The following GPAT3 variants were observed in gnomAD, a reference collection of about 807,000 sequenced individuals.
The protein encoded by GPAT3 is 1-AGP acyltransferase 9.
Under a neutral mutation model 58.8 loss-of-function variants are expected in GPAT3, and 53 were observed. That is an observed-to-expected ratio of 0.90 (90% CI 0.72 to 1.13). The LOEUF (loss-of-function observed/expected upper bound fraction) is 1.13. GPAT3 is among the 50% of genes most tolerant of loss of function. The pLI is 0.00. For synonymous variants in GPAT3, 197 were observed against 187.4 expected (o/e 1.05, Z -0.42); for missense variants, 511 against 527.6 (o/e 0.97, Z 0.31).
chr4:83,570,249 T>C (rs1725552681), intron 2 of GPAT3, among the ~76,000 whole-genome samples: 1 of 152,196 alleles, frequency 6.6e-6, no homozygotes, highest in Non-Finnish European at 1.5e-5. Context: ...TGCACTTTAA[T>C]TTCCTCATGT....
Position 83,585,615 on chromosome 4 carries a change from C to CT in GPAT3, c.480-1627dup, listed in dbSNP as rs202185390. On this transcript the variant is annotated intron_variant, in intron 3 of 11. Transcript: ENST00000264409. Reference sequence around the variant, plus strand: ...AAGATTGCTGCCTTTTACGCTGTTTCTTTTTTTTTTTTTGAGACAGTCTCA... The same window carrying CT: ...AAGATTGCTGCCTTTTACGCTGTTTCTTTTTTTTTTTTTTGAGACAGTCTCA... 4.7e-3 allele frequency among the ~76,000 whole-genome samples: 677 copies of CT among 144,148 alleles called. 4 individuals carry two copies. Among genetic ancestry groups the CT allele is most frequent in the Middle Eastern group, 0.022 (6 of 278 alleles). 94.6% of individuals were successfully genotyped at this position (144,148 alleles called of 152,430 possible). A position where few individuals can be genotyped will look rare whatever the true frequency, so the allele number is the denominator to read the frequency against.
rs186924807 is a variant in GPAT3, at chr4:83,595,596, G to T, written c.854+636G>T. Among the ~76,000 whole-genome samples the T allele has an allele frequency of 6.6e-5, 10 of 152,208 alleles. No individual in the cohort carries two copies. The East Asian group carries it at 1.9e-3, about 29-fold the overall frequency. On this transcript the variant is annotated intron_variant, in intron 7 of 11. Coordinates refer to ENST00000264409, the MANE Select transcript of GPAT3 (RefSeq NM_032717.5). ...AAATTAGCCAAATGTGGTGGCATATGCCTGTGGTCCCAGCTACTTGGGAGG... is the reference window on the plus strand; with the variant it reads ...AAATTAGCCAAATGTGGTGGCATATTCCTGTGGTCCCAGCTACTTGGGAGG...
chr4:83,575,872 A>T (rs1369877520), intron 2 of GPAT3, among the ~76,000 whole-genome samples: 2 of 152,220 alleles, frequency 1.3e-5, no homozygotes, highest in African/African-American at 4.8e-5. Context: ...TCACATGTGT[A>T]CTTGCCACCT....
At chr4:83,556,166 C>T (rs1724932252) in intron 2 of GPAT3, among the ~76,000 whole-genome samples, 1 of 152,198 alleles carries the variant, frequency 6.6e-6, no homozygotes, top group African/African-American at 2.4e-5. Context: ...ATGAATGCTT[C>T]TGTGCTGTGG....
At chr4:83,570,535 C>T (rs1166230157) in intron 2 of GPAT3, among the ~76,000 whole-genome samples, 8 of 148,276 alleles carry the variant, frequency 5.4e-5, no homozygotes, top group South Asian at 4.2e-4. Context: ...TGCAGCGGCA[C>T]GATCTCGGCT....
chr4:83,601,235 T>A (rs1450315413), intron 11 of GPAT3, among the ~76,000 whole-genome samples: 1 of 152,234 alleles, frequency 6.6e-6, no homozygotes, highest in Non-Finnish European at 1.5e-5. Flanking sequence ...ATTGAGTTTT[T>A]TATGCATCAT....
At chr4:83,583,965 A>C (rs564382349) in intron 3 of GPAT3, among the ~76,000 whole-genome samples, 1 of 152,152 alleles carries the variant, frequency 6.6e-6, no homozygotes, top group African/African-American at 2.4e-5. Context: ...GTGAGGCTCC[A>C]TTTCAAAAAA....
intron 2 of GPAT3, among the ~76,000 whole-genome samples, chr4:83,570,661 C>T (rs901081783): frequency 1.3e-5 from 2 of 151,990 alleles, no homozygotes; most frequent in Non-Finnish European, 2.9e-5. Context: ...TTAGTGGAGA[C>T]AGGGTTTTAC....
chr4:83,597,552 TAAAGATATTGGATTGGTAA>T, intron 9 of GPAT3, 37 bp downstream of exon 9: 5 of 1,336,184 alleles, frequency 3.7e-6, no homozygotes, highest in Non-Finnish European at 5.1e-6. Context: ...ATAATTATTA[TAAAGATATTGGATTGGTAA>T]TTTTATTTTG....
At chr4:83,560,878 C>T (rs894686144) in intron 2 of GPAT3, among the ~76,000 whole-genome samples, 11 of 152,198 alleles carry the variant, frequency 7.2e-5, no homozygotes, top group African/African-American at 1.9e-4. Flanking sequence ...TGCCTGTCCC[C>T]ACTTTTGCCT....
chr4:83,598,954 TATTTTAAAATTTTTTGTAG>T (rs1461577583), intron 11 of GPAT3, among the ~76,000 whole-genome samples: 2 of 151,714 alleles, frequency 1.3e-5, no homozygotes, highest in African/African-American at 4.8e-5. Context: ...TATGCCCAGC[TATTTTAAAATTTTTTGTAG>T]AGATGGGGTG....
chr4:83,551,390 T>C (rs980170206), intron 2 of GPAT3, among the ~76,000 whole-genome samples: 2 of 152,206 alleles, frequency 1.3e-5, no homozygotes, highest in Non-Finnish European at 2.9e-5. Context: ...ATGGAAATTA[T>C]ATATACTATA....
At chr4:83,590,344 C>T in intron 6 of GPAT3, 52 bp downstream of exon 6, 1 of 1,561,088 alleles carries the variant, frequency 6.4e-7, no homozygotes, top group South Asian at 1.1e-5. Flanking sequence ...ATGGATTGAT[C>T]AAACTTTTTA....
chr4:83,579,163 C>T (rs1430385736), intron 2 of GPAT3, among the ~76,000 whole-genome samples: 6 of 140,556 alleles, frequency 4.3e-5, no homozygotes, highest in African/African-American at 1.6e-4. Context: ...CTCTTTCTCT[C>T]TTTCTCTTTC....
At chr4:83,586,104 T>C (rs188214831) in intron 3 of GPAT3, among the ~76,000 whole-genome samples, 1 of 152,130 alleles carries the variant, frequency 6.6e-6, no homozygotes, top group East Asian at 1.9e-4. Context: ...CCTCATAGAG[T>C]CTTGGGGATG....
intron 2 of GPAT3, among the ~76,000 whole-genome samples, chr4:83,556,137 C>T (rs1724931476): frequency 6.6e-6 from 1 of 152,122 alleles, no homozygotes; most frequent in Non-Finnish European, 1.5e-5. Flanking sequence ...ATTAATGGTT[C>T]ATTTGACAGT....
At chr4:83,582,204 C>T (rs1726167275) in intron 3 of GPAT3, among the ~76,000 whole-genome samples, 1 of 152,232 alleles carries the variant, frequency 6.6e-6, no homozygotes, top group African/African-American at 2.4e-5. Flanking sequence ...ACTGTAAGAG[C>T]TGACCAGAAC....
Position 83,536,528 on chromosome 4 carries a change from T to A in GPAT3, c.-95T>A. 1 of 1,518,118 alleles carries A rather than the reference T, an allele frequency of 6.6e-7. No homozygotes were observed. The highest frequency in any genetic ancestry group is 8.8e-7 in the Non-Finnish European group (1 of 1,135,278). 94.0% of individuals were successfully genotyped at this position (1,518,118 alleles called of 1,614,324 possible). On this transcript the variant is annotated 5_prime_UTR_variant, in exon 1 of 12. Coordinates refer to ENST00000264409, the MANE Select transcript of GPAT3 (RefSeq NM_032717.5). ...GAGGTGAGTGCCGGGCTCGGCGCTC[T>A]GCTCCTGGAGCTCCCGCGGGACTGC...
At chr4:83,597,169 G>A (rs1578199971) in intron 8 of GPAT3, among the ~76,000 whole-genome samples, 1 of 152,266 alleles carries the variant, frequency 6.6e-6, no homozygotes, top group Middle Eastern at 3.4e-3. Flanking sequence ...AGGGTTGCAT[G>A]TATTGAAATT....
Sources: allele counts gnomAD v4.1 joint callset (sites outside exome capture counted in the v4.1 genomes callset), GRCh38; gene constraint gnomAD v4.1.1; transcripts MANE v1.5; gene names NCBI Gene and HGNC (gene_info 2026-07-23, HGNC 2026-07-21).